Variants in ARHGAP26 observed in about 807,000 individuals in gnomAD.
ARHGAP26 encodes rho GTPase-activating protein 26.
ARHGAP26 carries 38 observed loss-of-function variants against 104.8 expected under a neutral mutation model. The observed-to-expected ratio is 0.36, with a 90% CI of 0.28 to 0.48. ARHGAP26 has a LOEUF of 0.48. Ranked by LOEUF, ARHGAP26 falls within the 20% of genes least tolerant of loss-of-function variation. ARHGAP26 has a pLI of 0.99. For synonymous variants in ARHGAP26, 341 were observed against 340.0 expected, an observed-to-expected ratio of 1.00 and a Z score of -0.03; for missense variants, 704 against 947.9, an observed-to-expected ratio of 0.74 and a Z score of 3.38.
chr5:142,913,802 C>G (rs992007881), intron 10 of ARHGAP26, among the ~76,000 whole-genome samples: 6 of 152,188 alleles, frequency 3.9e-5, no homozygotes, highest in Non-Finnish European at 8.8e-5. Flanking sequence ...AGACACCAAA[C>G]CACTCGTGAA....
At chr5:143,221,753 G>A (rs188259230) in intron 22 of ARHGAP26, among the ~76,000 whole-genome samples, 1 of 152,144 alleles carries the variant, frequency 6.6e-6, no homozygotes, top group Non-Finnish European at 1.5e-5. Context: ...AAACTCCTGG[G>A]CTAAAGCAAT....
At chr5:142,794,125 C>T (rs1255358508) in intron 1 of ARHGAP26, among the ~76,000 whole-genome samples, 1 of 152,236 alleles carries the variant, frequency 6.6e-6, no homozygotes, top group Non-Finnish European at 1.5e-5. Flanking sequence ...CCACTCTTCT[C>T]TAGGCTGGCG....
At chr5:143,118,530 G>A (rs934343024) in intron 17 of ARHGAP26, among the ~76,000 whole-genome samples, 18 of 152,196 alleles carry the variant, frequency 1.2e-4, no homozygotes, top group Admixed American at 1.2e-3. Flanking sequence ...CAGCACTTTG[G>A]GAGGCCAAGC....
intron 11 of ARHGAP26, among the ~76,000 whole-genome samples, chr5:142,971,143 C>G (rs1598434803): frequency 1.3e-5 from 2 of 151,958 alleles, no homozygotes; most frequent in South Asian, 4.2e-4. Context: ...TGTGGTGGGT[C>G]TATGTATTTG....
At chr5:142,931,411 G>A (rs1764697465) in intron 10 of ARHGAP26, among the ~76,000 whole-genome samples, 1 of 152,198 alleles carries the variant, frequency 6.6e-6, no homozygotes, top group Non-Finnish European at 1.5e-5. Context: ...CTTGTGCTCA[G>A]TTTTAGAGAG....
At chr5:142,947,843 G>A (rs1767401520) in intron 11 of ARHGAP26, among the ~76,000 whole-genome samples, 1 of 152,138 alleles carries the variant, frequency 6.6e-6, no homozygotes, top group Admixed American at 6.6e-5. Flanking sequence ...TACTGATTGA[G>A]AATCCATGTT....
intron 1 of ARHGAP26, among the ~76,000 whole-genome samples, chr5:142,829,146 T>TCTAGA (rs1767893785): frequency 6.6e-6 from 1 of 152,192 alleles, no homozygotes; most frequent in Non-Finnish European, 1.5e-5. Context: ...TTCTGTAACC[T>TCTAGA]TTCTGTCCTC....
Position 143,224,764 on chromosome 5 carries a change from C to T in ARHGAP26, c.*2318C>T, listed in dbSNP as rs1811524999. ...TAAACATTTTAAAACTCTTCCCTTT[C>T]ACCTCCAATTCCCGTGATCCCAAAA... is the stretch of plus-strand genomic sequence containing the variant. On this transcript the variant is annotated 3_prime_UTR_variant, in exon 23 of 23. Transcript: ENST00000645722. 1 of 228,230 alleles carries T rather than the reference C, an allele frequency of 4.4e-6. No individual in the cohort carries two copies. Among genetic ancestry groups the T allele is most frequent in the South Asian group, 1.8e-4 (1 of 5,474 alleles). The allele number at this position is 228,230 out of a possible 1,614,324, so 14.1% of individuals were successfully genotyped here.
intron 17 of ARHGAP26, among the ~76,000 whole-genome samples, chr5:143,107,572 C>T (rs1318841045): frequency 6.6e-6 from 1 of 152,148 alleles, no homozygotes; most frequent in Admixed American, 6.5e-5. Context: ...GATGCCTGCA[C>T]AATAGAAAGC....
chr5:142,865,169 G>A (rs1754044197), intron 1 of ARHGAP26, among the ~76,000 whole-genome samples: 1 of 152,192 alleles, frequency 6.6e-6, no homozygotes. Flanking sequence ...CCAGGGCTGA[G>A]CTGGGGCTGG....
rs937769456 is a variant in ARHGAP26 at position 142,824,691 on chromosome 5, T to A, written c.155-48709T>A. Among the ~76,000 whole-genome samples the A allele has an allele frequency of 3.9e-5, 6 of 151,924 alleles. No homozygotes were observed. The East Asian group carries it at 1.2e-3, about 29-fold the overall frequency. On this transcript the variant is annotated intron_variant, in intron 1 of 22. Transcript: ENST00000645722. ...CTCTTGAGACACCCACAGAAAATGG[T>A]CCCTGCAGCTGTGTCTCTGTGGGAC...
intron 11 of ARHGAP26, among the ~76,000 whole-genome samples, chr5:142,979,192 A>T (rs576545132): frequency 6.6e-6 from 1 of 152,334 alleles, no homozygotes; most frequent in African/African-American, 2.4e-5. Context: ...CTTAAAGAAG[A>T]TAGGAATTTG....
At chr5:143,164,651 TTAA>T (rs1254007884) in intron 20 of ARHGAP26, among the ~76,000 whole-genome samples, 2 of 152,110 alleles carry the variant, frequency 1.3e-5, no homozygotes, top group Non-Finnish European at 2.9e-5. Context: ...AAAGGGAGGG[TTAA>T]TAAAACCTGT....
intron 14 of ARHGAP26, among the ~76,000 whole-genome samples, chr5:143,048,277 T>C (rs1784502091): frequency 6.6e-6 from 1 of 152,164 alleles, no homozygotes; most frequent in Non-Finnish European, 1.5e-5. Flanking sequence ...GACTATTTTA[T>C]TGAGATGGGG....
chr5:142,784,783 T>C lies in ARHGAP26; in HGVS notation c.154+13868T>C, dbSNP rs13355926. On this transcript the variant is annotated intron_variant, in intron 1 of 22. Transcript: ENST00000645722. ...ATACAATTCAATGGCTTTTAGTATA[T>C]GCACAGGATTTTGCATTCATCTTCA... 8.4e-3 allele frequency among the ~76,000 whole-genome samples: 1,286 copies of C among 152,284 alleles called. 22 individuals are homozygous for C. The highest frequency in any genetic ancestry group is 0.028 in the African/African-American group (1,170 of 41,540).
chr5:142,938,206 A>G (rs1034176371), intron 11 of ARHGAP26, among the ~76,000 whole-genome samples: 11 of 152,200 alleles, frequency 7.2e-5, no homozygotes, highest in African/African-American at 2.7e-4. Context: ...CAAAAGAGTC[A>G]CAGGACACTA....
chr5:143,226,960 A>C lies in ARHGAP26; in HGVS notation c.*4514A>C, dbSNP rs376484081. 8.8e-6 allele frequency: 2 copies of C among 227,422 alleles called. No homozygotes were observed. The highest frequency in any genetic ancestry group is 1.1e-4 in the Admixed American group (2 of 17,564). The allele number at this position is 227,422 out of a possible 1,614,324, so 14.1% of individuals were successfully genotyped here. A position where few individuals can be genotyped will look rare whatever the true frequency, so the allele number is the denominator to read the frequency against. Reference sequence around the variant, plus strand: ...CTATCCCCTGAGTTTCTATCAGCTGAAAATGGCAACTGCTGTCTCAGTAAA... The same window carrying C: ...CTATCCCCTGAGTTTCTATCAGCTGCAAATGGCAACTGCTGTCTCAGTAAA... On this transcript the variant is annotated 3_prime_UTR_variant, in exon 23 of 23. Transcript: ENST00000645722.
At chr5:143,056,113 G>T (rs1785770386) in intron 16 of ARHGAP26, 27 bp downstream of exon 16, 2 of 1,587,318 alleles carry the variant, frequency 1.3e-6, no homozygotes, top group East Asian at 4.5e-5. Flanking sequence ...TCAGTTTTAA[G>T]GGGAAGAGAA....
chr5:143,129,394 G>A (rs1383691367), intron 18 of ARHGAP26, among the ~76,000 whole-genome samples: 3 of 152,154 alleles, frequency 2.0e-5, no homozygotes, highest in African/African-American at 7.2e-5. Flanking sequence ...TACAGATAAG[G>A]TCTCTGAAGG....
Sources: allele counts gnomAD v4.1 joint callset (sites outside exome capture counted in the v4.1 genomes callset), GRCh38; gene constraint gnomAD v4.1.1; transcripts MANE v1.5; gene names NCBI Gene and HGNC (gene_info 2026-07-23, HGNC 2026-07-21).